The following TAOK3 variants were observed in gnomAD, a reference collection of about 807,000 sequenced individuals.
TAOK3 encodes the protein TAO kinase 3.
Under a neutral mutation model 120.4 loss-of-function variants are expected in TAOK3, and 40 were observed. The ratio of observed to expected loss-of-function variants is 0.33; its 90% CI spans 0.26 to 0.43. TAOK3 has a LOEUF of 0.43. TAOK3 is among the 20% of genes least tolerant of loss of function. The pLI is 1.00. For missense variants in TAOK3, 821 were observed against 1,112.1 expected (o/e 0.74, Z 3.72); for synonymous variants, 355 against 387.5 (o/e 0.92, Z 0.99).
intron 11 of TAOK3, among the ~76,000 whole-genome samples, chr12:118,207,432 T>C (rs1173226552): frequency 6.6e-6 from 1 of 152,176 alleles, no homozygotes; most frequent in African/African-American, 2.4e-5. Context: ...TGTCCCTTTC[T>C]TTCTCTCAGA....
intron 9 of TAOK3, among the ~76,000 whole-genome samples, chr12:118,222,369 C>T (rs904652126): frequency 6.6e-6 from 1 of 152,062 alleles, no homozygotes; most frequent in African/African-American, 2.4e-5. Context: ...CCCGTCTCTA[C>T]TAAAAATACA....
chr12:118,244,759 A>C, intron 4 of TAOK3, 135 bp downstream of exon 4: 1 of 575,090 alleles, frequency 1.7e-6, no homozygotes, highest in Non-Finnish European at 3.2e-6. Flanking sequence ...CAATCTCCCG[A>C]CCTCGTGAGC....
chr12:118,272,281 G>A (rs1170139584), intron 1 of TAOK3, among the ~76,000 whole-genome samples: 3 of 118,066 alleles, frequency 2.5e-5, no homozygotes, highest in Non-Finnish European at 4.9e-5. Flanking sequence ...GACAGAGCAA[G>A]ACTCCATCTC....
chr12:118,321,986 G>T (rs1441099486), intron 1 of TAOK3, among the ~76,000 whole-genome samples: 1 of 152,104 alleles, frequency 6.6e-6, no homozygotes, highest in East Asian at 1.9e-4. Context: ...TAAGAACTGG[G>T]ATGGAAGAAA....
At chr12:118,333,506 C>T (rs1444479606) in intron 1 of TAOK3, among the ~76,000 whole-genome samples, 1 of 152,108 alleles carries the variant, frequency 6.6e-6, no homozygotes, top group Non-Finnish European at 1.5e-5. Flanking sequence ...GAAATGCATA[C>T]TATTAAATGC....
chr12:118,251,635 A>C (rs16948199), intron 3 of TAOK3, among the ~76,000 whole-genome samples: 3,094 of 152,286 alleles, frequency 0.02, 108 homozygotes, highest in African/African-American at 0.071. Flanking sequence ...TCACCTTCAA[A>C]AACGCACACA....
chr12:118,316,508 T>C (rs1335685917), intron 1 of TAOK3, among the ~76,000 whole-genome samples: 1 of 152,106 alleles, frequency 6.6e-6, no homozygotes, highest in Non-Finnish European at 1.5e-5. Flanking sequence ...CACTGCAGCA[T>C]CCTACCCTCA....
intron 1 of TAOK3, among the ~76,000 whole-genome samples, chr12:118,316,347 TG>T (rs1251525450): frequency 6.6e-6 from 1 of 152,230 alleles, no homozygotes; most frequent in East Asian, 1.9e-4. Context: ...CCTACTCATT[TG>T]GCATACATTA....
chr12:118,278,292 CCTT>C (rs2041975363), intron 1 of TAOK3, among the ~76,000 whole-genome samples: 1 of 152,142 alleles, frequency 6.6e-6, no homozygotes. Flanking sequence ...TGACCCTCCT[CCTT>C]CTTTCCACCC....
At chr12:118,234,433 A>C (rs989540050) in intron 8 of TAOK3, among the ~76,000 whole-genome samples, 1 of 151,426 alleles carries the variant, frequency 6.6e-6, no homozygotes, top group Admixed American at 6.6e-5. Context: ...TTTAGTAGAG[A>C]CGCGGTTTCA....
chr12:118,175,738 A>G (rs2138741140), intron 16 of TAOK3, among the ~76,000 whole-genome samples: 1 of 152,340 alleles, frequency 6.6e-6, no homozygotes, highest in South Asian at 2.1e-4. Context: ...AAGTCTACAA[A>G]TAAGAAATAC....
rs2034318871 is a variant in TAOK3, at chr12:118,150,559, C to G, written c.*438G>C. 1.3e-5 allele frequency: 2 copies of G among 153,204 alleles called. No homozygotes were observed. The highest frequency in any genetic ancestry group is 4.8e-5 in the African/African-American group (2 of 41,320). The allele number at this position is 153,204 out of a possible 1,614,324, so 9.5% of individuals were successfully genotyped here. A position where few individuals can be genotyped will look rare whatever the true frequency, so the allele number is the denominator to read the frequency against. ...TGCAGCAGCTAGTTAAGGTGTAAGG[C>G]TGCGGATATTGTGTCTCTCTCCCCC... On this transcript the variant is annotated 3_prime_UTR_variant, in exon 21 of 21. Coordinates refer to ENST00000392533, the MANE Select transcript of TAOK3 (RefSeq NM_016281.4).
At chr12:118,308,570 C>T (rs1000867110) in intron 1 of TAOK3, among the ~76,000 whole-genome samples, 2 of 151,994 alleles carry the variant, frequency 1.3e-5, no homozygotes, top group Non-Finnish European at 2.9e-5. Flanking sequence ...CCCAGTATAC[C>T]AGTACTTCTA....
intron 1 of TAOK3, among the ~76,000 whole-genome samples, chr12:118,341,052 G>A (rs1304705665): frequency 2.0e-5 from 3 of 150,502 alleles, no homozygotes; most frequent in Non-Finnish European, 4.4e-5. Context: ...GTGCAGTGGC[G>A]CCATCTCAGC....
intron 1 of TAOK3, among the ~76,000 whole-genome samples, chr12:118,324,492 T>C (rs1320454622): frequency 1.3e-5 from 2 of 152,162 alleles, no homozygotes; most frequent in Non-Finnish European, 2.9e-5. Flanking sequence ...TCCATGTAAC[T>C]ATACTTTTGT....
chr12:118,358,452 T>A (rs1339292374), intron 1 of TAOK3, among the ~76,000 whole-genome samples: 1 of 152,218 alleles, frequency 6.6e-6, no homozygotes, highest in Non-Finnish European at 1.5e-5. Context: ...GAGGCAGGCT[T>A]GTTACTTTTA....
chr12:118,220,088 C>T (rs1446751561), intron 9 of TAOK3, among the ~76,000 whole-genome samples: 2 of 150,280 alleles, frequency 1.3e-5, no homozygotes, highest in East Asian at 2.0e-4. Context: ...TTAAGGTTTT[C>T]GTAGACATAA....
At chr12:118,350,470 A>T (rs1297359147) in intron 1 of TAOK3, among the ~76,000 whole-genome samples, 1 of 152,224 alleles carries the variant, frequency 6.6e-6, no homozygotes. Context: ...CATGTATTGT[A>T]ATACCTAGCA....
intron 5 of TAOK3, among the ~76,000 whole-genome samples, chr12:118,243,190 T>C (rs972410828): frequency 2.6e-5 from 4 of 152,106 alleles, no homozygotes; most frequent in African/African-American, 9.7e-5. Context: ...ACCATCTCTT[T>C]CTGAGTGTTT....
Sources: allele counts gnomAD v4.1 joint callset (sites outside exome capture counted in the v4.1 genomes callset), GRCh38; gene constraint gnomAD v4.1.1; transcripts MANE v1.5; gene names NCBI Gene and HGNC (gene_info 2026-07-23, HGNC 2026-07-21).